NCALD: variants seen among roughly 807,000 people sequenced by gnomAD.
NCALD encodes neurocalcin-delta.
NCALD carries 10 observed loss-of-function variants against 18.6 expected under a neutral mutation model. The ratio of observed to expected loss-of-function variants is 0.54; its 90% CI spans 0.33 to 0.91. The LOEUF is 0.91. Ranked by LOEUF, NCALD falls within the 40% of genes least tolerant of loss-of-function variation. NCALD has a pLI of 0.03. For missense variants in NCALD, 184 were observed against 247.6 expected (o/e 0.74, Z 1.72); for synonymous variants, 88 against 87.4 (o/e 1.01, Z -0.04).
chr8:101,728,585 C>T (rs1816675198), intron 1 of NCALD, among the ~76,000 whole-genome samples: 1 of 152,140 alleles, frequency 6.6e-6, no homozygotes, highest in Admixed American at 6.5e-5. Flanking sequence ...CTTTGGGAGG[C>T]CGAGGTGGGC....
intron 2 of NCALD, among the ~76,000 whole-genome samples, chr8:101,976,000 GAA>G (rs1193185501): frequency 2.0e-5 from 3 of 152,116 alleles, no homozygotes; most frequent in Non-Finnish European, 4.4e-5. Context: ...GGAGGTGGAA[GAA>G]AAGTATGCAC....
At chr8:101,874,591 G>C (rs1317451467) in intron 4 of NCALD, among the ~76,000 whole-genome samples, 1 of 152,122 alleles carries the variant, frequency 6.6e-6, no homozygotes, top group African/African-American at 2.4e-5. Context: ...AGGCTGGAGT[G>C]TAGTGGCACA....
chr8:101,892,238 C>T (rs916267067), intron 3 of NCALD, among the ~76,000 whole-genome samples: 1 of 148,516 alleles, frequency 6.7e-6, no homozygotes, highest in African/African-American at 2.6e-5. Flanking sequence ...GGGAGGCACC[C>T]CCAAGCAGGG....
intron 1 of NCALD, among the ~76,000 whole-genome samples, chr8:101,772,797 G>A (rs1811637724): frequency 1.3e-5 from 2 of 152,080 alleles, no homozygotes; most frequent in Non-Finnish European, 2.9e-5. Context: ...TTGCTTCTGG[G>A]ACAACATTTG....
chr8:101,700,119 G>A (rs577272909), intron 2 of NCALD, among the ~76,000 whole-genome samples: 10 of 151,468 alleles, frequency 6.6e-5, no homozygotes, highest in East Asian at 3.9e-4. Flanking sequence ...GGAGTGCAGT[G>A]ATGCTATCAT....
At chr8:102,005,986 A>G (rs1002032779) in intron 2 of NCALD, among the ~76,000 whole-genome samples, 5 of 152,090 alleles carry the variant, frequency 3.3e-5, no homozygotes, top group Non-Finnish European at 7.4e-5. Context: ...ATATGTAACT[A>G]ACCTGCACGT....
intron 1 of NCALD, among the ~76,000 whole-genome samples, chr8:102,025,133 T>G (rs1446701560): frequency 6.6e-6 from 1 of 152,156 alleles, no homozygotes; most frequent in Non-Finnish European, 1.5e-5. Flanking sequence ...CAGCCCTCTA[T>G]AGGTTCTGCT....
At chr8:101,899,513 T>G (rs1191606977) in intron 3 of NCALD, among the ~76,000 whole-genome samples, 2 of 152,000 alleles carry the variant, frequency 1.3e-5, no homozygotes, top group Non-Finnish European at 2.9e-5. Context: ...CAATGTTAGC[T>G]ATAGGCGTTT....
intron 1 of NCALD, among the ~76,000 whole-genome samples, chr8:101,747,707 G>C (rs1435215467): frequency 6.6e-6 from 1 of 151,442 alleles, no homozygotes; most frequent in Non-Finnish European, 1.5e-5. Flanking sequence ...CACTGAGCTT[G>C]AGGAAAAGTG....
At chr8:101,706,316 T>TAA (rs546231345) in intron 2 of NCALD, among the ~76,000 whole-genome samples, 6 of 146,610 alleles carry the variant, frequency 4.1e-5, no homozygotes, top group Admixed American at 2.0e-4. Context: ...GTAAGACTAT[T>TAA]TAAAAAAAAA....
chr8:102,033,134 C>T (rs571563931), intron 1 of NCALD, among the ~76,000 whole-genome samples: 5 of 152,082 alleles, frequency 3.3e-5, no homozygotes, highest in Non-Finnish European at 7.4e-5. Flanking sequence ...TGTGGCACCC[C>T]TCAAGACATC....
Position 101,736,962 on chromosome 8 carries a change from A to G in NCALD, c.-19-17314T>C, listed in dbSNP as rs1809948209. ...AATTCTTTCTTACCCAGGGGAAGAA[A>G]TGATTCTCAGTTGTTTTATTGCTGT... is the stretch of plus-strand genomic sequence containing the variant. On this transcript the variant is annotated intron_variant, in intron 1 of 3. Transcript: ENST00000220931. Among the ~76,000 whole-genome samples, 5 of 152,332 alleles carry G rather than the reference A, an allele frequency of 3.3e-5. No individual in the cohort carries two copies. The South Asian group carries it at 1.0e-3, about 32-fold the overall frequency.
At chr8:102,116,812 C>G (rs1171922394) in intron 1 of NCALD, among the ~76,000 whole-genome samples, 1 of 152,038 alleles carries the variant, frequency 6.6e-6, no homozygotes, top group African/African-American at 2.4e-5. Context: ...CTGGCCATAA[C>G]CAAGCTTTAA....
intron 4 of NCALD, among the ~76,000 whole-genome samples, chr8:101,849,004 C>T (rs1235804308): frequency 6.6e-6 from 1 of 152,168 alleles, no homozygotes; most frequent in Non-Finnish European, 1.5e-5. Context: ...GGTACATATA[C>T]ACCATGGAAT....
At chr8:102,116,631 T>C (rs1563631774) in intron 1 of NCALD, among the ~76,000 whole-genome samples, 1 of 152,128 alleles carries the variant, frequency 6.6e-6, no homozygotes, top group Admixed American at 6.5e-5. Flanking sequence ...CACGGGTGCA[T>C]GCCAAGAGGC....
At chr8:101,859,500 C>T (rs1005221048) in intron 4 of NCALD, among the ~76,000 whole-genome samples, 28 of 152,110 alleles carry the variant, frequency 1.8e-4, no homozygotes, top group African/African-American at 6.5e-4. Flanking sequence ...ATACAATGAT[C>T]ATTAATAGCC....
chr8:101,871,325 A>G (rs1472202205), intron 4 of NCALD, among the ~76,000 whole-genome samples: 1 of 152,182 alleles, frequency 6.6e-6, no homozygotes, highest in Non-Finnish European at 1.5e-5. Flanking sequence ...AAATCTGGAA[A>G]GACACAAAAC....
Position 101,696,792 on chromosome 8 carries a change from C to T in NCALD, c.379-3896G>A, listed in dbSNP as rs547805168. Among the ~76,000 whole-genome samples, 4 of 151,408 alleles carry T rather than the reference C, an allele frequency of 2.6e-5. No homozygotes were observed. The East Asian group carries it at 7.8e-4, about 30-fold the overall frequency. On this transcript the variant is annotated intron_variant, in intron 2 of 3. Coordinates refer to ENST00000220931, the MANE Select transcript of NCALD (RefSeq NM_032041.3). ...ACATACCAGAATCTCTGGGAGACAG[C>T]TAAAGCTGTGTTAAGAGGGAAATTT...
chr8:101,806,075 T>C (rs1388991514), intron 4 of NCALD, among the ~76,000 whole-genome samples: 4 of 151,856 alleles, frequency 2.6e-5, no homozygotes, highest in African/African-American at 9.7e-5. Flanking sequence ...CATTCCAGGG[T>C]GATGTGAGTA....
Sources: gnomAD v4.1 joint callset for allele counts (sites outside exome capture counted in the v4.1 genomes callset) on GRCh38, gnomAD v4.1.1 for gene constraint, MANE v1.5 for transcripts, NCBI Gene and HGNC (gene_info 2026-07-23, HGNC 2026-07-21) for gene names.